Variants in RIC8B observed in about 807,000 individuals in gnomAD.
The protein encoded by RIC8B is chaperone Ric-8B.
RIC8B carries 16 observed loss-of-function variants against 57.5 expected under a neutral mutation model. The ratio of observed to expected loss-of-function variants is 0.28; its 90% CI spans 0.19 to 0.42. RIC8B has a LOEUF of 0.42. RIC8B is among the 10% of genes least tolerant of loss of function. RIC8B has a pLI of 1.00. For missense variants in RIC8B, 481 were observed against 677.0 expected, an observed-to-expected ratio of 0.71 and a Z score of 3.21; for synonymous variants, 216 against 250.8, an observed-to-expected ratio of 0.86 and a Z score of 1.31.
rs1366393979 is a variant in RIC8B, at chr12:106,871,486, A to C, written c.1571+544A>C. On this transcript the variant is annotated intron_variant, in intron 9 of 9. Coordinates refer to ENST00000392837, the MANE Select transcript of RIC8B (RefSeq NM_001330145.2). ...TTAGGAGTTCTAAAAAAAAAAAAAA[A>C]AAAAAAAAAAAACCAAAAAACTCCC... 1.8e-4 allele frequency: 26 copies of C among 143,060 alleles called. 1 individual carries two copies. The highest frequency in any genetic ancestry group is 1.2e-3 in the East Asian group (6 of 5,106). The allele number at this position is 143,060 out of a possible 1,614,324, so 8.9% of individuals were successfully genotyped here. A position where few individuals can be genotyped will look rare whatever the true frequency, so the allele number is the denominator to read the frequency against.
chr12:106,800,596 C>T (rs552594867), intron 2 of RIC8B, among the ~76,000 whole-genome samples: 15 of 152,152 alleles, frequency 9.9e-5, no homozygotes, highest in Non-Finnish European at 2.2e-4. Context: ...TGGGTTAGAG[C>T]TTTAACATAT....
chr12:106,838,002 C>T (rs936133238), intron 4 of RIC8B, among the ~76,000 whole-genome samples: 6 of 152,182 alleles, frequency 3.9e-5, no homozygotes, highest in African/African-American at 1.2e-4. Flanking sequence ...TTGGTTGATA[C>T]ACAAAAAGCT....
chr12:106,811,308 C>G (rs2045324670), intron 2 of RIC8B, among the ~76,000 whole-genome samples: 1 of 152,218 alleles, frequency 6.6e-6, no homozygotes, highest in Non-Finnish European at 1.5e-5. Flanking sequence ...TTATGTCACT[C>G]TGTTGTTAAT....
intron 1 of RIC8B, among the ~76,000 whole-genome samples, chr12:106,779,856 CGG>C (rs201172891): frequency 0.018 from 2,562 of 145,070 alleles, 40 homozygotes; most frequent in African/African-American, 0.045. Flanking sequence ...TGCTCCCCCA[CGG>C]GGGCCTGTTC....
intron 2 of RIC8B, among the ~76,000 whole-genome samples, chr12:106,803,215 C>CAAAAAAAAAAAAAAAAA (rs55853235): frequency 6.0e-5 from 5 of 84,012 alleles, no homozygotes; most frequent in African/African-American, 1.5e-4. Flanking sequence ...TACCCTGTCT[C>CAAAAAAAAAAAAAAAAA]AAAAAAAAAA....
intron 6 of RIC8B, among the ~76,000 whole-genome samples, chr12:106,844,536 C>T (rs1949100944): frequency 6.6e-6 from 1 of 152,162 alleles, no homozygotes; most frequent in Non-Finnish European, 1.5e-5. Flanking sequence ...GAGCCAGATA[C>T]AGCAGGCGGT....
chr12:106,854,652 G>A (rs1003175155), intron 7 of RIC8B, among the ~76,000 whole-genome samples: 12 of 152,272 alleles, frequency 7.9e-5, no homozygotes, highest in East Asian at 3.9e-4. Context: ...TTAGCTGGAC[G>A]TGGTGGTGCA....
At chr12:106,851,673 G>A in intron 7 of RIC8B, 79 bp downstream of exon 7, 2 of 1,218,524 alleles carry the variant, frequency 1.6e-6, no homozygotes, top group Non-Finnish European at 2.3e-6. Context: ...GTTAGTACTG[G>A]TCGTCTCATT....
intron 3 of RIC8B, among the ~76,000 whole-genome samples, chr12:106,821,064 A>C (rs967376479): frequency 6.6e-6 from 1 of 152,356 alleles, no homozygotes. Flanking sequence ...ATTAGTAAAC[A>C]GTTGTATAAG....
At chr12:106,828,835 G>C (rs1252289494) in intron 4 of RIC8B, among the ~76,000 whole-genome samples, 1 of 152,090 alleles carries the variant, frequency 6.6e-6, no homozygotes, top group Non-Finnish European at 1.5e-5. Context: ...AGGAACTTAT[G>C]CCTATGTTCA....
chr12:106,884,931 A>G (rs1013118330), intron 9 of RIC8B, among the ~76,000 whole-genome samples: 2 of 152,092 alleles, frequency 1.3e-5, no homozygotes, highest in Non-Finnish European at 2.9e-5. Flanking sequence ...GTTTTTGCTT[A>G]TGGACATGTT....
intron 4 of RIC8B, among the ~76,000 whole-genome samples, chr12:106,830,690 A>G (rs1431756031): frequency 2.6e-5 from 4 of 152,154 alleles, no homozygotes; most frequent in African/African-American, 4.8e-5. Flanking sequence ...GGACTTCACA[A>G]TGCATACCTG....
chr12:106,777,671 C>G (rs2043555591), intron 1 of RIC8B, among the ~76,000 whole-genome samples: 1 of 152,154 alleles, frequency 6.6e-6, no homozygotes, highest in Admixed American at 6.5e-5. Flanking sequence ...TGGTTCAAAT[C>G]CCAACTCTGC....
chr12:106,848,818 G>A (rs569217392), intron 6 of RIC8B, among the ~76,000 whole-genome samples: 4 of 152,180 alleles, frequency 2.6e-5, no homozygotes, highest in Admixed American at 6.5e-5. Flanking sequence ...TCAGAAACAC[G>A]GAGTAGAATA....
intron 1 of RIC8B, among the ~76,000 whole-genome samples, chr12:106,781,965 A>G (rs1020722863): frequency 1.3e-5 from 2 of 152,126 alleles, no homozygotes; most frequent in African/African-American, 2.4e-5. Context: ...TCAGGTCTAT[A>G]CATTTCTAAG....
intron 4 of RIC8B, among the ~76,000 whole-genome samples, chr12:106,829,646 A>T (rs1180939202): frequency 6.6e-6 from 1 of 152,200 alleles, no homozygotes; most frequent in African/African-American, 2.4e-5. Context: ...GGTAAAATAC[A>T]GTTATAAAAT....
At chr12:106,804,972 G>A (rs903974127) in intron 2 of RIC8B, among the ~76,000 whole-genome samples, 1 of 152,138 alleles carries the variant, frequency 6.6e-6, no homozygotes, top group African/African-American at 2.4e-5. Flanking sequence ...CATGAGAAAA[G>A]GCACAGAAGT....
chr12:106,790,503 T>TAAA (rs2044221465), intron 2 of RIC8B, among the ~76,000 whole-genome samples: 1 of 152,244 alleles, frequency 6.6e-6, no homozygotes, highest in Non-Finnish European at 1.5e-5. Context: ...AAGCATTTGC[T>TAAA]TTATATTCTG....
At chr12:106,878,307 A>T (rs930166859) in intron 9 of RIC8B, among the ~76,000 whole-genome samples, 2 of 152,272 alleles carry the variant, frequency 1.3e-5, no homozygotes, top group East Asian at 1.9e-4. Context: ...AAAGGTTATA[A>T]TATTATTGCT....
Sources: allele counts gnomAD v4.1 joint callset (sites outside exome capture counted in the v4.1 genomes callset), GRCh38; gene constraint gnomAD v4.1.1; transcripts MANE v1.5; gene names NCBI Gene and HGNC (gene_info 2026-07-23, HGNC 2026-07-21).